The following CLMP variants were observed in gnomAD, a reference collection of about 807,000 sequenced individuals.
CLMP encodes CXADR-like membrane protein.
A neutral mutation model predicts 45.2 loss-of-function variants in CLMP; 27 were observed. The ratio of observed to expected loss-of-function variants is 0.60; its 90% confidence interval spans 0.44 to 0.82. The LOEUF is 0.82. Among genes scored for constraint, CLMP ranks in the 40% least tolerant of loss-of-function variants. The probability of loss-of-function intolerance (pLI) is 0.00; values close to 1 mark genes in which losing one functional copy is unlikely to be tolerated. For synonymous variants in CLMP, 167 were observed against 171.4 expected (o/e 0.97, Z 0.20); for missense variants, 403 against 448.4 (o/e 0.90, Z 0.91).
chr11:123,101,828 A>G (rs546999461), intron 1 of CLMP, among the ~76,000 whole-genome samples: 1 of 152,250 alleles, frequency 6.6e-6, no homozygotes, highest in Non-Finnish European at 1.5e-5. Flanking sequence ...GGAAGGAGAG[A>G]CTAAATCCTG....
intron 1 of CLMP, among the ~76,000 whole-genome samples, chr11:123,187,750 G>A (rs78195833): frequency 6.6e-6 from 1 of 152,094 alleles, no homozygotes. Flanking sequence ...CTGGCAGGTT[G>A]TGATGAAGAA....
chr11:123,116,412 C>T (rs936814627), intron 1 of CLMP, among the ~76,000 whole-genome samples: 2 of 151,582 alleles, frequency 1.3e-5, no homozygotes, highest in African/African-American at 4.9e-5. Context: ...ACTAAAAGTA[C>T]AAAAAATTAG....
intron 1 of CLMP, among the ~76,000 whole-genome samples, chr11:123,149,443 A>G (rs1376115153): frequency 1.3e-5 from 2 of 152,180 alleles, no homozygotes; most frequent in Admixed American, 1.3e-4. Context: ...GCTTATACAT[A>G]TCATGTCATC....
chr11:123,137,554 T>C (rs1861094660), intron 1 of CLMP, among the ~76,000 whole-genome samples: 1 of 151,476 alleles, frequency 6.6e-6, no homozygotes, highest in Non-Finnish European at 1.5e-5. Flanking sequence ...TGGACGGCGC[T>C]GGCCAAGAGG....
At chr11:123,138,607 C>T (rs1861110575) in intron 1 of CLMP, among the ~76,000 whole-genome samples, 1 of 136,792 alleles carries the variant, frequency 7.3e-6, no homozygotes. Flanking sequence ...CCCCCACCCC[C>T]CTCCCCCTCC....
At chr11:123,089,992 G>T (rs1865911226) in intron 2 of CLMP, among the ~76,000 whole-genome samples, 1 of 151,442 alleles carries the variant, frequency 6.6e-6, no homozygotes, top group African/African-American at 2.4e-5. Context: ...CAGCTACTCG[G>T]GAGGCTTAGG....
intron 1 of CLMP, among the ~76,000 whole-genome samples, chr11:123,148,942 A>G (rs112518657): frequency 1.1e-3 from 174 of 152,276 alleles, no homozygotes; most frequent in African/African-American, 3.9e-3. Flanking sequence ...TGCTACCTCT[A>G]CCGTGTCATG....
At chr11:123,107,716 A>G (rs1302511419) in intron 1 of CLMP, among the ~76,000 whole-genome samples, 1 of 151,838 alleles carries the variant, frequency 6.6e-6, no homozygotes, top group Non-Finnish European at 1.5e-5. Flanking sequence ...ACATGGACAA[A>G]CCAGGATTGT....
At chr11:123,105,816 G>GT (rs1294721686) in intron 1 of CLMP, among the ~76,000 whole-genome samples, 17 of 139,198 alleles carry the variant, frequency 1.2e-4, no homozygotes, top group Middle Eastern at 3.8e-3. Context: ...TTGTTTGTTT[G>GT]TTTTTTGTTT....
chr11:123,099,323 C>G (rs1164237030), intron 1 of CLMP, among the ~76,000 whole-genome samples: 1 of 152,020 alleles, frequency 6.6e-6, no homozygotes, highest in African/African-American at 2.4e-5. Flanking sequence ...TGTTGCTGAC[C>G]AGTAGCATGT....
intron 1 of CLMP, among the ~76,000 whole-genome samples, chr11:123,194,658 G>A (rs1861954481): frequency 1.3e-5 from 2 of 152,132 alleles, no homozygotes; most frequent in Admixed American, 1.3e-4. Context: ...ACTAAACACC[G>A]CCCTAAAGAG....
chr11:123,161,695 T>TAAAC (rs1331993443), intron 1 of CLMP, among the ~76,000 whole-genome samples: 1 of 151,854 alleles, frequency 6.6e-6, no homozygotes, highest in African/African-American at 2.4e-5. Flanking sequence ...AATAAATAAA[T>TAAAC]AAACAAACAA....
chr11:123,087,933 G>A (rs1208225347), intron 2 of CLMP, among the ~76,000 whole-genome samples: 3 of 151,152 alleles, frequency 2.0e-5, no homozygotes, highest in East Asian at 1.9e-4. Flanking sequence ...TCTTTGAGAC[G>A]GAGTTTCACT....
At chr11:123,096,155 G>A (rs935138120) in intron 2 of CLMP, among the ~76,000 whole-genome samples, 5 of 152,120 alleles carry the variant, frequency 3.3e-5, no homozygotes, top group Non-Finnish European at 5.9e-5. Context: ...CTGAGGTCAG[G>A]AGTTCGAGAC....
chr11:123,128,863 A>G (rs1435531196), intron 1 of CLMP, among the ~76,000 whole-genome samples: 1 of 152,162 alleles, frequency 6.6e-6, no homozygotes, highest in Non-Finnish European at 1.5e-5. Flanking sequence ...CATCTTTTTT[A>G]ATCCTTACAC....
At chr11:123,100,799 A>G (rs910261148) in intron 1 of CLMP, among the ~76,000 whole-genome samples, 2 of 151,818 alleles carry the variant, frequency 1.3e-5, no homozygotes, top group Admixed American at 1.3e-4. Context: ...GCTTTTTCCC[A>G]AAAACACTTT....
At chr11:123,139,403 G>A (rs1410782876) in intron 1 of CLMP, among the ~76,000 whole-genome samples, 1 of 152,148 alleles carries the variant, frequency 6.6e-6, no homozygotes, top group African/African-American at 2.4e-5. Flanking sequence ...AGCTGGTTCT[G>A]CTATTTAGAA....
chr11:123,150,503 GGAA>G (rs1861311950), intron 1 of CLMP, among the ~76,000 whole-genome samples: 1 of 122,470 alleles, frequency 8.2e-6, no homozygotes, highest in African/African-American at 3.2e-5. Flanking sequence ...AAGGAAGGAA[GGAA>G]GGAAGGAAGG....
intron 1 of CLMP, among the ~76,000 whole-genome samples, chr11:123,187,988 A>T (rs895587901): frequency 6.6e-6 from 1 of 152,256 alleles, no homozygotes; most frequent in African/African-American, 2.4e-5. Context: ...GAGAAGAAAT[A>T]CACAGCAGCC....
Sources: allele counts gnomAD v4.1 joint callset (sites outside exome capture counted in the v4.1 genomes callset), GRCh38; gene constraint gnomAD v4.1.1; transcripts MANE v1.5; gene names NCBI Gene and HGNC (gene_info 2026-07-23, HGNC 2026-07-21).